The following SET variants were observed in gnomAD, a reference collection of about 807,000 sequenced individuals.
The protein encoded by SET is protein SET.
In SET, 4 loss-of-function variants were observed where a neutral mutation model predicts 39.0. That is an observed-to-expected ratio of 0.10 (90% CI 0.05 to 0.23). The LOEUF is 0.23. SET is among the 10% of genes least tolerant of loss of function. The pLI, the probability that SET is intolerant of heterozygous loss-of-function variation, is 1.00. For missense variants in SET, 137 were observed against 329.7 expected, an observed-to-expected ratio of 0.42 and a Z score of 4.53; for synonymous variants, 114 against 115.9, an observed-to-expected ratio of 0.98 and a Z score of 0.11.
intron 5 of SET, among the ~76,000 whole-genome samples, chr9:128,693,319 C>T (rs1221257881): frequency 6.6e-6 from 1 of 152,196 alleles, no homozygotes; most frequent in Non-Finnish European, 1.5e-5. Flanking sequence ...GCAGTGGTGA[C>T]TGAGCTCTTC....
intron 1 of SET, 194 bp downstream of exon 1, chr9:128,689,849 C>G (rs879078694): frequency 0.053 from 2 of 38 alleles, no homozygotes; most frequent in South Asian, 0.5. Flanking sequence ...TGGCCCGCGC[C>G]GCGGCGGCCG....
chr9:128,688,360 G>T (rs966800493), upstream of SET, among the ~76,000 whole-genome samples: 1 of 152,212 alleles, frequency 6.6e-6, no homozygotes, highest in Non-Finnish European at 1.5e-5. Flanking sequence ...TAGTGGTTCA[G>T]AACTTTGCCT....
chr9:128,684,953 T>C, upstream of SET: 1 of 1,237,254 alleles, frequency 8.1e-7, no homozygotes, highest in Non-Finnish European at 1.1e-6. Flanking sequence ...GAGAGTTGAC[T>C]GTTCTGGTGA....
chr9:128,694,120 A>G (rs1861643127), intron 7 of SET, 78 bp downstream of exon 7: 1 of 1,304,384 alleles, frequency 7.7e-7, no homozygotes, highest in African/African-American at 1.5e-5. Context: ...ATATATATAT[A>G]TAGTGTGGTA....
At chr9:128,691,758 G>T (rs1861543677) in intron 2 of SET, 100 bp from the exon 3 acceptor site, 2 of 1,174,052 alleles carry the variant, frequency 1.7e-6, no homozygotes, top group African/African-American at 1.5e-5. Context: ...TGGTTATTTT[G>T]CATGACTCAA....
rs567108916 is a variant in SET at position 128,683,876 on chromosome 9, T to C, written c.-20T>C. ...CGGGCGAGGAGACTCGTGGTCTGGT[T>C]CTGGGACTTCCCTAACAGCATGGCC... On this transcript the variant is annotated 5_prime_UTR_variant, in exon 1 of 8. Transcript: ENST00000372692. 1.3e-5 allele frequency: 20 copies of C among 1,542,738 alleles called. No individual in the cohort carries two copies. The South Asian group carries it at 1.8e-4, about 14-fold the overall frequency.
At chr9:128,690,085 C>T (rs1861466321) in intron 1 of SET, 2 of 567,708 alleles carry the variant, frequency 3.5e-6, no homozygotes, top group Non-Finnish European at 4.5e-6. Flanking sequence ...CGCGCCCGGC[C>T]CGCGGCGGCG....
chr9:128,691,263 C>T (rs1289628770), intron 2 of SET, 36 bp downstream of exon 2: 4 of 1,334,526 alleles, frequency 3.0e-6, no homozygotes, highest in Non-Finnish European at 4.3e-6. Flanking sequence ...GAGAAATTTT[C>T]TGAGATGTGT....
rs1263392171 is a variant in SET at position 128,692,864 on chromosome 9, A to T, written c.379-4A>T. On this transcript the variant is annotated splice_region_variant and splice_polypyrimidine_tract_variant and intron_variant, in intron 4 of 7. Transcript: ENST00000322030. ...ATTTCTAATCTTTCAATTATTTATT[A>T]CAGTATTTTGATGAAAATCCTTACT... 7 of 1,540,550 alleles carry T rather than the reference A, an allele frequency of 4.5e-6. No homozygotes were observed. In the East Asian group the frequency reaches 1.4e-4, roughly 30 times the overall value.
In SET at chr9:128,691,911, A is replaced by G. The variant is rs1329086413; in HGVS notation, c.185A>G (p.Lys62Arg). 1 of 1,613,708 alleles carries G rather than the reference A, an allele frequency of 6.2e-7. No individual in the cohort carries two copies. Among genetic ancestry groups the G allele is most frequent in the Non-Finnish European group, 8.5e-7 (1 of 1,179,842 alleles). ...EILKVEQKYN[K>R]LRQPFFQKRS... ...TTGAAAGTAGAACAGAAATATAACA[A>G]ACTCCGCCAACCATTTTTTCAGAAG... Residue 62 changes from lysine (K) to arginine (R), a missense_variant, in exon 3 of 8, where the codon AAA becomes AGA. Physicochemically the swap from Lys to Arg is conservative, Grantham distance 26 (BLOSUM62 2). Transcript: ENST00000322030.
rs1280112812 is a variant in SET, at chr9:128,689,591, G to C, written c.9G>C (p.Ala3=). The change falls in exon 1 of 8, where the codon GCG becomes GCC. Residue 3 remains alanine, a synonymous_variant. Coordinates refer to ENST00000322030, the MANE Select transcript of SET (RefSeq NM_003011.4). The part of the protein sequence containing the change: MS[A]PAAKVSKKEL... ...GACCGCGGAGCAGCACCATGTCGGC[G>C]CCGGCGGCCAAAGTCAGTAAAAAGG... 7.3e-7 allele frequency: 1 copy of C among 1,371,316 alleles called. No individual in the cohort carries two copies. The highest frequency in any genetic ancestry group is 3.2e-5 in the East Asian group (1 of 31,472). The allele number at this position is 1,371,316 out of a possible 1,614,324, so 84.9% of individuals were successfully genotyped here.
chr9:128,683,895 C>T, exon 1 of SET: 1 of 1,550,504 alleles, frequency 6.4e-7, no homozygotes, highest in South Asian at 1.2e-5. Flanking sequence ...TCCCTAACAG[C>T]ATGGCCCCTA....
chr9:128,689,721 C>T, intron 1 of SET, 66 bp downstream of exon 1: 1 of 343,890 alleles, frequency 2.9e-6, no homozygotes. Flanking sequence ...GGCCCGCAGG[C>T]CGCCGGCGGG....
At chr9:128,689,943 CCCCT>C (rs1331429016) in intron 1 of SET, 34 of 214,144 alleles carry the variant, frequency 1.6e-4, no homozygotes, top group East Asian at 7.4e-4. Flanking sequence ...CGCTCTCCTC[CCCCT>C]CCCTCCCTCC....
At position 128,693,827 on chromosome 9, in the gene SET, T is replaced by A. The variant is rs1170113229; in HGVS notation, c.663+19T>A. On this transcript the variant is annotated intron_variant, in intron 6 of 7. Transcript: ENST00000322030. ...CTACTTGGTGAGTTCTAATACTCAT[T>A]TATTCAAGGTTGGACTTGTCTCGGT... 1.8e-5 allele frequency: 29 copies of A among 1,610,002 alleles called. No homozygotes were observed. The highest frequency in any genetic ancestry group is 2.3e-5 in the Non-Finnish European group (27 of 1,178,718).
At chr9:128,693,166 T>C (rs553994862) in intron 5 of SET, among the ~76,000 whole-genome samples, 185 bp downstream of exon 5, 1 of 152,248 alleles carries the variant, frequency 6.6e-6, no homozygotes, top group East Asian at 1.9e-4. Context: ...ACTACAGATG[T>C]AGGCAGGAAG....
upstream of SET, among the ~76,000 whole-genome samples, chr9:128,689,058 G>A (rs1861390353): frequency 7.3e-5 from 11 of 150,332 alleles, no homozygotes; most frequent in South Asian, 2.1e-3. Flanking sequence ...GCGGCCGTGC[G>A]TCGCCGCGCG....
intron 1 of SET, among the ~76,000 whole-genome samples, 162 bp downstream of exon 1, chr9:128,689,817 G>T (rs1482596817): frequency 1.4e-5 from 2 of 144,834 alleles, no homozygotes; most frequent in Non-Finnish European, 3.1e-5. Context: ...TTTTTTGTGC[G>T]CGGCTGGGCT....
In SET at chr9:128,694,089, T is replaced by C. The variant is rs760010529; in HGVS notation, c.810+47T>C. On this transcript the variant is annotated intron_variant, in intron 7 of 7. Transcript: ENST00000322030. Reference sequence around the variant, plus strand: ...CCCACAAAGATAACTTTTAAAGAATTCATGTTATTTTGGGGTGTATATATA... The same window carrying C: ...CCCACAAAGATAACTTTTAAAGAATCCATGTTATTTTGGGGTGTATATATA... 6 of 1,408,920 alleles carry C rather than the reference T, an allele frequency of 4.3e-6. No homozygotes were observed. The South Asian group carries it at 6.9e-5, about 16-fold the overall frequency. The allele number at this position is 1,408,920 out of a possible 1,614,324, so 87.3% of individuals were successfully genotyped here.
Sources: gnomAD v4.1 joint callset for allele counts (sites outside exome capture counted in the v4.1 genomes callset) on GRCh38, gnomAD v4.1.1 for gene constraint, MANE v1.5 for transcripts, NCBI Gene and HGNC (gene_info 2026-07-23, HGNC 2026-07-21) for gene names.